Variants in DPP10 observed in about 807,000 individuals in gnomAD.
DPP10 encodes the protein dipeptidyl peptidase like 10.
A neutral mutation model predicts 120.9 loss-of-function variants in DPP10; 33 were observed. The observed-to-expected ratio is 0.27, with a 90% CI of 0.21 to 0.37. DPP10 has a LOEUF of 0.37. DPP10 is among the 10% of genes least tolerant of loss of function. DPP10 has a pLI of 1.00. For synonymous variants in DPP10, 337 were observed against 326.1 expected, an observed-to-expected ratio of 1.03 and a Z score of -0.36; for missense variants, 816 against 942.8, an observed-to-expected ratio of 0.87 and a Z score of 1.76.
intron 1 of DPP10, chr2:114,828,334 T>A (rs1686750532): frequency 6.6e-6 from 1 of 152,240 alleles, no homozygotes. Context: ...ATTATATAAT[T>A]CAACATAACG....
chr2:114,908,025 T>G (rs1013754062), intron 1 of DPP10, among the ~76,000 whole-genome samples: 5 of 152,012 alleles, frequency 3.3e-5, no homozygotes, highest in African/African-American at 1.2e-4. Flanking sequence ...ACCTTCCTGA[T>G]GTATTGAGTC....
chr2:115,084,994 G>C (rs1262099371), intron 1 of DPP10, among the ~76,000 whole-genome samples: 1 of 152,142 alleles, frequency 6.6e-6, no homozygotes, highest in Non-Finnish European at 1.5e-5. Context: ...CTGATGTTCA[G>C]TTTGGTGCAA....
chr2:115,315,086 A>T (rs184207521), intron 2 of DPP10, among the ~76,000 whole-genome samples: 2 of 152,068 alleles, frequency 1.3e-5, no homozygotes, highest in Admixed American at 1.3e-4. Context: ...GACTAAATTG[A>T]CCTTGGTATT....
chr2:114,953,292 C>T (rs955029725), intron 1 of DPP10, among the ~76,000 whole-genome samples: 4 of 151,980 alleles, frequency 2.6e-5, no homozygotes, highest in African/African-American at 9.7e-5. Flanking sequence ...GTTAAAATTA[C>T]GTTAATAAAG....
chr2:115,187,028 T>C (rs931548625), intron 1 of DPP10, among the ~76,000 whole-genome samples: 8 of 60,414 alleles, frequency 1.3e-4, no homozygotes, highest in African/African-American at 6.0e-4. Context: ...TCTTTTTTTT[T>C]TTTTTTTTTT....
At chr2:114,715,557 A>G (rs17043402) in intron 1 of DPP10, among the ~76,000 whole-genome samples, 6,568 of 152,224 alleles carry the variant, frequency 0.043, 173 homozygotes, top group Middle Eastern at 0.088. Context: ...TATTAAGCCT[A>G]GGTACCACTA....
Position 115,004,678 on chromosome 2 carries a change from CA to C in DPP10, c.61-304560del, listed in dbSNP as rs375432471. Among the ~76,000 whole-genome samples the C allele has an allele frequency of 2.6e-3, 393 of 152,316 alleles. 1 individual carries two copies. Among genetic ancestry groups the C allele is most frequent in the African/African-American group, 8.9e-3 (371 of 41,572 alleles). On this transcript the variant is annotated intron_variant, in intron 1 of 25. Transcript: ENST00000410059. ...TTTCCGTTGGGCTTAAAAAACGGCG[CA>C]CCATGAGATTATATCCCGCACCTGG...
At chr2:114,723,160 G>A (rs925335049) in intron 1 of DPP10, among the ~76,000 whole-genome samples, 3 of 152,114 alleles carry the variant, frequency 2.0e-5, no homozygotes, top group Admixed American at 1.3e-4. Flanking sequence ...TATGGTCATC[G>A]AACTTCCTAG....
intron 1 of DPP10, among the ~76,000 whole-genome samples, chr2:114,571,513 C>T (rs1558892743): frequency 6.6e-6 from 1 of 152,072 alleles, no homozygotes; most frequent in Non-Finnish European, 1.5e-5. Context: ...AGAGAACAGA[C>T]TAATACCTTT....
chr2:115,242,123 C>A (rs1338097398), intron 1 of DPP10, among the ~76,000 whole-genome samples: 1 of 151,970 alleles, frequency 6.6e-6, no homozygotes, highest in Non-Finnish European at 1.5e-5. Context: ...TACACTGTAC[C>A]CAATTTGTAG....
At chr2:115,262,882 T>G (rs1397570176) in intron 1 of DPP10, among the ~76,000 whole-genome samples, 1 of 103,032 alleles carries the variant, frequency 9.7e-6, no homozygotes, top group African/African-American at 3.4e-5. Flanking sequence ...AAATTCCATG[T>G]AATTCTACAG....
chr2:115,219,536 A>G (rs2057026015), intron 1 of DPP10, among the ~76,000 whole-genome samples: 1 of 152,210 alleles, frequency 6.6e-6, no homozygotes, highest in Non-Finnish European at 1.5e-5. Flanking sequence ...TGTTCCATAA[A>G]GAATAATGAC....
chr2:115,197,475 G>A (rs1039517817), intron 1 of DPP10, among the ~76,000 whole-genome samples: 1 of 151,984 alleles, frequency 6.6e-6, no homozygotes, highest in Admixed American at 6.6e-5. Context: ...TTACCTTTAG[G>A]AGGAGTTACT....
intron 1 of DPP10, among the ~76,000 whole-genome samples, chr2:114,914,240 C>G (rs559230072): frequency 2.0e-5 from 3 of 152,118 alleles, no homozygotes; most frequent in South Asian, 2.1e-4. Context: ...ATATGACCAT[C>G]CACAAGACAC....
chr2:114,951,754 T>C (rs1336398922), intron 1 of DPP10, among the ~76,000 whole-genome samples: 1 of 152,126 alleles, frequency 6.6e-6, no homozygotes, highest in Non-Finnish European at 1.5e-5. Flanking sequence ...TTTAAATGTT[T>C]TAGCACTCTT....
chr2:115,549,935 C>T (rs909257938), intron 5 of DPP10, among the ~76,000 whole-genome samples: 2 of 152,136 alleles, frequency 1.3e-5, no homozygotes, highest in Non-Finnish European at 2.9e-5. Context: ...AACTGCAATG[C>T]CCTTTTTCCC....
chr2:115,638,103 T>G (rs1285152179), intron 5 of DPP10, among the ~76,000 whole-genome samples: 1 of 152,226 alleles, frequency 6.6e-6, no homozygotes, highest in Non-Finnish European at 1.5e-5. Flanking sequence ...TTATGCACTT[T>G]CATATACATC....
At chr2:115,810,061 G>C (rs1224360189) in intron 19 of DPP10, among the ~76,000 whole-genome samples, 1 of 151,938 alleles carries the variant, frequency 6.6e-6, no homozygotes, top group Non-Finnish European at 1.5e-5. Flanking sequence ...TACTTGGGAG[G>C]CTGAGGCAGG....
chr2:115,827,766 T>C (rs1011629378), intron 21 of DPP10, among the ~76,000 whole-genome samples: 4 of 151,768 alleles, frequency 2.6e-5, no homozygotes, highest in Admixed American at 2.0e-4. Context: ...CAGCTAATTT[T>C]TCTATTATTA....
Sources: allele counts gnomAD v4.1 joint callset (sites outside exome capture counted in the v4.1 genomes callset), GRCh38; gene constraint gnomAD v4.1.1; transcripts MANE v1.5; gene names NCBI Gene and HGNC (gene_info 2026-07-23, HGNC 2026-07-21).